The following CSMD1 variants were observed in gnomAD, a reference collection of about 807,000 sequenced individuals.
CSMD1 encodes CUB and sushi domain-containing protein 1.
CSMD1 carries 213 observed loss-of-function variants against 417.5 expected under a neutral mutation model. The observed-to-expected ratio is 0.51, with a 90% CI of 0.46 to 0.57. The LOEUF (loss-of-function observed/expected upper bound fraction) is 0.57, where lower values mean the gene tolerates loss of function less well. Ranked by LOEUF, CSMD1 falls within the 20% of genes least tolerant of loss-of-function variation. The pLI, the probability that CSMD1 is intolerant of heterozygous loss-of-function variation, is 0.00. For missense variants in CSMD1, 6,923 were observed against 4,529.7 expected (o/e 1.53, Z -15.17); for synonymous variants, 2,862 against 1,736.8 (o/e 1.65, Z -16.11).
intron 1 of CSMD1, among the ~76,000 whole-genome samples, chr8:4,796,067 G>T (rs1350366486): frequency 6.6e-6 from 1 of 152,106 alleles, no homozygotes; most frequent in Non-Finnish European, 1.5e-5. Context: ...AGAGCCACTG[G>T]CATTACAAAG....
At chr8:4,744,778 T>C (rs1021853956) in intron 1 of CSMD1, among the ~76,000 whole-genome samples, 13 of 152,204 alleles carry the variant, frequency 8.5e-5, no homozygotes, top group Non-Finnish European at 1.3e-4. Context: ...TGAAATCTTG[T>C]AGAATTTCTT....
intron 5 of CSMD1, among the ~76,000 whole-genome samples, chr8:3,809,544 C>T (rs1388856692): frequency 6.6e-6 from 1 of 152,138 alleles, no homozygotes; most frequent in African/African-American, 2.4e-5. Flanking sequence ...TCAAACATTG[C>T]CATGCATCGG....
chr8:3,891,248 C>T (rs1309261646), intron 5 of CSMD1, among the ~76,000 whole-genome samples: 1 of 151,972 alleles, frequency 6.6e-6, no homozygotes, highest in Non-Finnish European at 1.5e-5. Flanking sequence ...GGGTTTTTGC[C>T]ATGTTTCCCA....
intron 12 of CSMD1, among the ~76,000 whole-genome samples, chr8:3,419,451 TACAC>T (rs913973128): frequency 1.3e-5 from 2 of 152,202 alleles, no homozygotes; most frequent in African/African-American, 4.8e-5. Context: ...GTAATAAAAA[TACAC>T]ACATATTTGT....
Position 3,935,622 on chromosome 8 carries a change from G to A in CSMD1, c.818+62281C>T, listed in dbSNP as rs141056307. Among the ~76,000 whole-genome samples the A allele has an allele frequency of 8.7e-3, 1,325 of 152,130 alleles. 8 individuals are homozygous for A. The highest frequency in any genetic ancestry group is 0.015 in the Non-Finnish European group (1,023 of 67,994). On this transcript the variant is annotated intron_variant, in intron 5 of 69. Coordinates refer to ENST00000635120, the MANE Select transcript of CSMD1 (RefSeq NM_033225.6). ...TTGTTGTAACTATTGTAATTGTTTGGGGGCCCCATATGTGTCCATATAAGT... is the reference window on the plus strand; with the variant it reads ...TTGTTGTAACTATTGTAATTGTTTGAGGGCCCCATATGTGTCCATATAAGT...
rs73658186 is a variant in CSMD1, at chr8:3,557,071, T to C, written c.1344+17874A>G. On this transcript the variant is annotated intron_variant, in intron 10 of 69. Coordinates refer to ENST00000635120, the MANE Select transcript of CSMD1 (RefSeq NM_033225.6). The stretch of plus-strand genomic sequence containing the variant: ...CTGTCAAAAAACACAGAATGGCAAG[T>C]GCAATGGAACACAATACAGGCGGCC... 2.2e-3 allele frequency among the ~76,000 whole-genome samples: 332 copies of C among 152,282 alleles called. 3 individuals carry two copies. The highest frequency in any genetic ancestry group is 7.7e-3 in the African/African-American group (320 of 41,554).
chr8:3,220,226 C>T (rs976164703), intron 28 of CSMD1, among the ~76,000 whole-genome samples: 1 of 151,948 alleles, frequency 6.6e-6, no homozygotes, highest in Non-Finnish European at 1.5e-5. Flanking sequence ...AGAGTGTAAC[C>T]TTTCTCACAT....
At chr8:4,208,951 G>A (rs748480089) in intron 3 of CSMD1, among the ~76,000 whole-genome samples, 6 of 152,170 alleles carry the variant, frequency 3.9e-5, no homozygotes, top group Non-Finnish European at 7.4e-5. Flanking sequence ...ACCCTTTGCA[G>A]TACGCAATTT....
intron 9 of CSMD1, among the ~76,000 whole-genome samples, chr8:3,580,150 G>C (rs1800321930): frequency 1.3e-5 from 2 of 152,088 alleles, no homozygotes; most frequent in Non-Finnish European, 2.9e-5. Flanking sequence ...TACATGCAGT[G>C]CTCATCATGA....
intron 3 of CSMD1, among the ~76,000 whole-genome samples, chr8:4,136,587 G>T (rs1412642433): frequency 1.3e-5 from 2 of 152,158 alleles, no homozygotes; most frequent in Admixed American, 6.5e-5. Flanking sequence ...TTCAGAAGAT[G>T]CCAATTCCAG....
intron 23 of CSMD1, among the ~76,000 whole-genome samples, chr8:3,318,161 A>G (rs1805902629): frequency 1.3e-5 from 2 of 152,240 alleles, no homozygotes; most frequent in African/African-American, 4.8e-5. Flanking sequence ...AGTAAATTAT[A>G]TATAGTACCT....
intron 3 of CSMD1, among the ~76,000 whole-genome samples, chr8:4,374,142 A>G (rs1186238940): frequency 6.6e-6 from 1 of 152,190 alleles, no homozygotes; most frequent in African/African-American, 2.4e-5. Context: ...CAGCTGGATA[A>G]GTACGTCCTT....
At chr8:3,497,824 G>A (rs1186502369) in intron 10 of CSMD1, among the ~76,000 whole-genome samples, 1 of 152,050 alleles carries the variant, frequency 6.6e-6, no homozygotes, top group Admixed American at 6.6e-5. Flanking sequence ...TTATTTTTGT[G>A]GTTTGGTGGT....
chr8:3,205,746 A>G (rs1797216826), intron 30 of CSMD1, 126 bp from the exon 31 acceptor site: 2 of 493,288 alleles, frequency 4.1e-6, no homozygotes, highest in African/African-American at 2.0e-5. Context: ...TAAGAAGTTA[A>G]AATCTTGTTT....
chr8:3,308,275 G>A (rs775572602), intron 24 of CSMD1, 37 bp downstream of exon 24: 2 of 1,548,318 alleles, frequency 1.3e-6, no homozygotes, highest in African/African-American at 1.4e-5. Context: ...CCTAAGGCCT[G>A]GCTTTTGCAC....
chr8:3,913,809 A>G (rs990655589), intron 5 of CSMD1, among the ~76,000 whole-genome samples: 3 of 152,154 alleles, frequency 2.0e-5, no homozygotes, highest in Non-Finnish European at 4.4e-5. Flanking sequence ...CCAGAGTACT[A>G]GAGTATTAGA....
At chr8:3,542,502 C>G (rs1333177777) in intron 10 of CSMD1, among the ~76,000 whole-genome samples, 3 of 152,150 alleles carry the variant, frequency 2.0e-5, no homozygotes, top group African/African-American at 7.2e-5. Context: ...AGCAATAAAT[C>G]AGTGACTACA....
intron 59 of CSMD1, 38 bp downstream of exon 59, chr8:2,965,737 A>G (rs779691235): frequency 6.5e-7 from 1 of 1,545,792 alleles, no homozygotes; most frequent in Non-Finnish European, 8.8e-7. Context: ...AAAGACTTCT[A>G]TACACATCTG....
intron 3 of CSMD1, among the ~76,000 whole-genome samples, chr8:4,393,997 A>G (rs1049963080): frequency 6.6e-5 from 10 of 152,212 alleles, no homozygotes; most frequent in African/African-American, 2.4e-4. Context: ...GTAATAGAGC[A>G]ACACATATAT....
Sources: gnomAD v4.1 joint callset for allele counts (sites outside exome capture counted in the v4.1 genomes callset) on GRCh38, gnomAD v4.1.1 for gene constraint, MANE v1.5 for transcripts, NCBI Gene and HGNC (gene_info 2026-07-23, HGNC 2026-07-21) for gene names.